Variants in ZBED6 observed in about 807,000 individuals in gnomAD.
The protein encoded by ZBED6 is zinc finger BED domain-containing protein 6.
A neutral mutation model predicts 58.4 loss-of-function variants in ZBED6; 40 were observed. That is an observed-to-expected ratio of 0.68 (90% confidence interval 0.53 to 0.89). ZBED6 has a LOEUF of 0.89. Among genes scored for constraint, ZBED6 ranks in the 40% least tolerant of loss-of-function variants. The pLI is 0.00. For synonymous variants in ZBED6, 439 were observed against 350.6 expected (o/e 1.25, Z -2.82); for missense variants, 1,057 against 1,003.9 (o/e 1.05, Z -0.71).
intron 13 of ZBED6, among the ~76,000 whole-genome samples, chr1:203,849,489 G>T (rs1688756712): frequency 6.6e-6 from 1 of 152,174 alleles, no homozygotes; most frequent in South Asian, 2.1e-4. Context: ...AGTCATGGTT[G>T]TCTAGCCTGT....
At chr1:203,851,532 A>G (rs1439060556) in intron 16 of ZBED6, among the ~76,000 whole-genome samples, 4 of 151,988 alleles carry the variant, frequency 2.6e-5, no homozygotes, top group Non-Finnish European at 5.9e-5. Context: ...GTTTTGCCAC[A>G]TTGTCCAGGG....
At chr1:203,810,677 C>G (rs1674150019) in intron 1 of ZBED6, among the ~76,000 whole-genome samples, 1 of 152,040 alleles carries the variant, frequency 6.6e-6, no homozygotes, top group Admixed American at 6.6e-5. Context: ...CCTCGGACTC[C>G]CAAAATGCTG....
At chr1:203,805,590 G>A (rs1380848254) in intron 1 of ZBED6, 2 of 627,148 alleles carry the variant, frequency 3.2e-6, no homozygotes, top group Non-Finnish European at 6.2e-6. Context: ...CCCATAATAT[G>A]TTTTACATGA....
intron 16 of ZBED6, 24 bp from the exon 17 acceptor site, chr1:203,852,117 C>T: frequency 6.2e-7 from 1 of 1,611,974 alleles, no homozygotes; most frequent in Non-Finnish European, 8.5e-7. Flanking sequence ...CGGCAGTTTT[C>T]TAATAATCTT....
At chr1:203,827,987 C>T (rs10494846) in intron 3 of ZBED6, among the ~76,000 whole-genome samples, 2 of 152,038 alleles carry the variant, frequency 1.3e-5, no homozygotes, top group Non-Finnish European at 2.9e-5. Context: ...AGATTCAGAC[C>T]GTTATCTTTG....
rs1450954035 is a variant in ZBED6, at chr1:203,798,714, GAA to G, written c.1194_1195del (p.Glu398AspfsTer45). 1.3e-6 allele frequency: 2 copies of G among 1,536,004 alleles called. No homozygotes were observed. The highest frequency in any genetic ancestry group is 1.7e-6 in the Non-Finnish European group (2 of 1,146,924). On this transcript the variant is annotated frameshift_variant, in exon 1 of 17. Transcript: ENST00000550078. LOFTEE classifies it high-confidence loss of function. ...CACTCTGATGCGTGCGCAGGAGAGA[GAA>G]ACAACATGTTGTGGAAATCCAGTCT...
At chr1:203,849,655 C>T (rs1302264706) in intron 13 of ZBED6, 56 bp from the exon 14 acceptor site, 26 of 1,521,896 alleles carry the variant, frequency 1.7e-5, no homozygotes, top group Non-Finnish European at 1.8e-5. Context: ...GTACTTACAT[C>T]ATACAGGTTA....
intron 11 of ZBED6, among the ~76,000 whole-genome samples, chr1:203,841,828 T>A (rs1371535199): frequency 7.0e-6 from 1 of 141,982 alleles, no homozygotes; most frequent in African/African-American, 2.6e-5. Flanking sequence ...GCGGAGGGGC[T>A]CCTCACTTCG....
At chr1:203,800,096 C>T in exon 1 of ZBED6, 1 of 1,536,110 alleles carries the variant, frequency 6.5e-7, no homozygotes, top group South Asian at 1.2e-5. Context: ...GCAAAAGCTT[C>T]ATGTTCCCTT....
chr1:203,819,569 T>C (rs553614572), intron 3 of ZBED6, among the ~76,000 whole-genome samples: 1 of 120,096 alleles, frequency 8.3e-6, no homozygotes, highest in African/African-American at 3.1e-5. Context: ...AGTTTTGCTC[T>C]TGTTGCCCAG....
chr1:203,851,968 CAAAAAAAAAA>C (rs57160781), intron 16 of ZBED6, among the ~76,000 whole-genome samples, 163 bp from the exon 17 acceptor site: 1 of 45,842 alleles, frequency 2.2e-5, no homozygotes, highest in Non-Finnish European at 3.5e-5. Context: ...GACTCTGCCT[CAAAAAAAAAA>C]AAAAAAAAAA....
At chr1:203,848,283 G>T in intron 12 of ZBED6, 48 bp from the exon 13 acceptor site, 1 of 1,479,210 alleles carries the variant, frequency 6.8e-7, no homozygotes, top group South Asian at 1.2e-5. Context: ...CTATCATGAA[G>T]TTGCAGCTTA....
At chr1:203,833,920 A>G in intron 9 of ZBED6, 67 bp downstream of exon 9, 3 of 1,548,246 alleles carry the variant, frequency 1.9e-6, no homozygotes, top group East Asian at 4.6e-5. Flanking sequence ...TAGCTTCTCC[A>G]AACTCTTTTT....
chr1:203,806,727 A>G (rs572797006), intron 1 of ZBED6, among the ~76,000 whole-genome samples: 3 of 151,738 alleles, frequency 2.0e-5, no homozygotes, highest in African/African-American at 7.3e-5. Flanking sequence ...GTGTTTTACC[A>G]TATTGCATAT....
At chr1:203,811,096 G>GGT in intron 1 of ZBED6, among the ~76,000 whole-genome samples, 1 of 150,634 alleles carries the variant, frequency 6.6e-6, no homozygotes, top group Non-Finnish European at 1.5e-5. Flanking sequence ...AGCCGAGATT[G>GGT]CGCCACTGCA....
intron 3 of ZBED6, among the ~76,000 whole-genome samples, chr1:203,821,073 T>A (rs1256274533): frequency 6.6e-6 from 1 of 152,140 alleles, no homozygotes; most frequent in Non-Finnish European, 1.5e-5. Flanking sequence ...CCCCATGTGT[T>A]AAGGGAGGGA....
At chr1:203,839,131 T>A (rs1685294458) in intron 10 of ZBED6, among the ~76,000 whole-genome samples, 1 of 151,968 alleles carries the variant, frequency 6.6e-6, no homozygotes, top group African/African-American at 2.4e-5. Context: ...TAAGACGAGG[T>A]AGTGGCATAG....
At chr1:203,837,340 A>T (rs922380498) in intron 9 of ZBED6, among the ~76,000 whole-genome samples, 1 of 150,508 alleles carries the variant, frequency 6.6e-6, no homozygotes, top group African/African-American at 2.4e-5. Context: ...TCACATTTCT[A>T]ATTCTGAACT....
chr1:203,796,150 G>A, exon 1 of ZBED6: 1 of 285,620 alleles, frequency 3.5e-6, no homozygotes, highest in Non-Finnish European at 6.5e-6. Context: ...AAAACCGACT[G>A]TTCCCCCGAA....
Sources: gnomAD v4.1 joint callset for allele counts (sites outside exome capture counted in the v4.1 genomes callset) on GRCh38, gnomAD v4.1.1 for gene constraint, MANE v1.5 for transcripts, NCBI Gene and HGNC (gene_info 2026-07-23, HGNC 2026-07-21) for gene names.